Variants in DPF1 observed in about 807,000 individuals in gnomAD.
DPF1 encodes the protein double PHD fingers 1, also known as zinc finger protein neuro-d4.
DPF1 carries 14 observed loss-of-function variants against 58.7 expected under a neutral mutation model. The observed-to-expected ratio is 0.24, with a 90% CI of 0.16 to 0.37. The LOEUF is 0.37. Among genes scored for constraint, DPF1 ranks in the 10% least tolerant of loss-of-function variants. The pLI is 1.00. For synonymous variants in DPF1, 216 were observed against 216.0 expected, an observed-to-expected ratio of 1.00 and a Z score of 0.00; for missense variants, 345 against 529.9, an observed-to-expected ratio of 0.65 and a Z score of 3.43.
At chr19:38,229,152 G>A (rs923975658), upstream of DPF1, among the ~76,000 whole-genome samples, 2 of 151,962 alleles carry the variant, frequency 1.3e-5, no homozygotes, top group African/African-American at 4.8e-5. This position sits in a 1 kb window ranked among gnomAD's most constrained non-coding sequence, Gnocchi z 5.3. Flanking sequence ...AGCGGAGAGC[G>A]GGTGATGGAA....
upstream of DPF1, among the ~76,000 whole-genome samples, chr19:38,228,947 C>A (rs1212066962): frequency 2.6e-5 from 4 of 151,690 alleles, no homozygotes; most frequent in South Asian, 4.2e-4. Flanking sequence ...GATGTGTATG[C>A]GCGGGGAGAG....
chr19:38,218,802 G>A (rs1053721723), intron 4 of DPF1, 129 bp downstream of exon 4: 2 of 1,536,854 alleles, frequency 1.3e-6, no homozygotes, highest in African/African-American at 2.7e-5. Context: ...CTGGGAGGAT[G>A]GTGACTGGGA....
chr19:38,224,120 G>T lies in DPF1; in HGVS notation c.23C>A (p.Pro8His). ...TCCCGCCGGCCCGCACCACCTCAGG[G>T]GGCCAGGGATGACAGTGGCCATCTT... Reference protein sequence around the residue: MATVIPGPLSLGEDFYRE... With the variant: MATVIPGHLSLGEDFYRE... Residue 8 changes from proline to histidine, a missense_variant, in exon 1 of 12, where the codon CCC becomes CAC. Transcript: ENST00000355526. The surrounding 1 kb of genome is among the most constrained non-coding windows in gnomAD (Gnocchi z 4.5). 6.7e-7 allele frequency: 1 copy of T among 1,495,662 alleles called. No homozygotes were observed. 92.6% of individuals were successfully genotyped at this position (1,495,662 alleles called of 1,614,324 possible). A position where few individuals can be genotyped will look rare whatever the true frequency, so the allele number is the denominator to read the frequency against.
chr19:38,213,361 C>A (rs1973598598), intron 10 of DPF1, among the ~76,000 whole-genome samples: 2 of 152,224 alleles, frequency 1.3e-5, no homozygotes, highest in African/African-American at 4.8e-5. Flanking sequence ...TCTGCCATTT[C>A]CCTAGCTGGC....
chr19:38,217,474 T>C lies in DPF1; in HGVS notation c.713A>G (p.Lys238Arg), dbSNP rs1243722338. 1 of 1,550,312 alleles carries C rather than the reference T, an allele frequency of 6.5e-7. No individual in the cohort carries two copies. The highest frequency in any genetic ancestry group is 8.7e-7 in the Non-Finnish European group (1 of 1,146,596). ...AERHALPFHR[K>R]NNHKQFYKEL... is the part of the protein sequence containing the mutation. ...TGCCAGCTCACGTTTATGGTTGTTTTTCCGGTGGAAGGGCAGGGCGTGGCG... is the reference window on the plus strand; with the variant it reads ...TGCCAGCTCACGTTTATGGTTGTTTCTCCGGTGGAAGGGCAGGGCGTGGCG... The change falls in exon 7 of 12, where the codon AAA (lysine) becomes AGA (arginine). Residue 238 changes from lysine (K) to arginine (R), a missense_variant. Physicochemically the swap from Lys to Arg is conservative, Grantham distance 26. Transcript: ENST00000355526.
At position 38,219,065 on chromosome 19, in the gene DPF1, A is replaced by T; in HGVS notation, c.299-7T>A. On this transcript the variant is annotated splice_region_variant and splice_polypyrimidine_tract_variant and intron_variant, in intron 3 of 11. Coordinates refer to ENST00000355526, the MANE Select transcript of DPF1 (RefSeq NM_001135155.3). ...TTCAGGGGTGCTTCACAGTCTGGGG[A>T]CAGGGCCATGGGGGGGTCAGATGGG... 1 of 1,613,586 alleles carries T rather than the reference A, an allele frequency of 6.2e-7. No individual in the cohort carries two copies. Among genetic ancestry groups the T allele is most frequent in the Non-Finnish European group, 8.5e-7 (1 of 1,179,954 alleles).
At chr19:38,217,380 C>T (rs1967100913) in intron 7 of DPF1, 80 bp downstream of exon 7, 4 of 660,614 alleles carry the variant, frequency 6.1e-6, no homozygotes, top group East Asian at 1.0e-4. Flanking sequence ...GTCTAATGCC[C>T]CCCCACCCCC....
chr19:38,211,810 T>C lies in DPF1; in HGVS notation c.*253A>G. ...GCCCGCCCAGAGGCGGGGTATGGCTTTGAGGGGAGAAGCCCCTGGTGTCCA... is the reference window on the plus strand; with the variant it reads ...GCCCGCCCAGAGGCGGGGTATGGCTCTGAGGGGAGAAGCCCCTGGTGTCCA... On this transcript the variant is annotated 3_prime_UTR_variant, in exon 12 of 12. Coordinates refer to ENST00000355526, the MANE Select transcript of DPF1 (RefSeq NM_001135155.3). The surrounding 1 kb of genome is among the most constrained non-coding windows in gnomAD (Gnocchi z 4.0). 1 of 545,860 alleles carries C rather than the reference T, an allele frequency of 1.8e-6. No homozygotes were observed. The highest frequency in any genetic ancestry group is 3.4e-5 in the Admixed American group (1 of 29,544). The allele number at this position is 545,860 out of a possible 1,614,324, so 33.8% of individuals were successfully genotyped here.
chr19:38,223,041 G>A (rs1012727592), intron 1 of DPF1: 3 of 327,406 alleles, frequency 9.2e-6, no homozygotes, highest in African/African-American at 4.3e-5. Context: ...CACACACAAA[G>A]AGAGACAAAT....
chr19:38,213,241 C>G (rs751693275), intron 10 of DPF1, among the ~76,000 whole-genome samples: 10 of 152,158 alleles, frequency 6.6e-5, no homozygotes, highest in Non-Finnish European at 1.5e-4. Context: ...TCCCAGAGTG[C>G]TGGGATTCCA....
Position 38,218,599 on chromosome 19 carries a change from T to C in DPF1, c.490A>G (p.Arg164Gly), listed in dbSNP as rs917336577. 6.2e-7 allele frequency: 1 copy of C among 1,614,184 alleles called. No individual in the cohort carries two copies. The highest frequency in any genetic ancestry group is 8.5e-7 in the Non-Finnish European group (1 of 1,180,044). Residue 164 changes from arginine (R) to glycine (G), a missense_variant, in exon 5 of 12, where the codon AGG (arginine) becomes GGG (glycine). Transcript: ENST00000355526. ...TTTCCTTTGGCCCTGTTCTTCCTCCTGGGAATGTCATCCTCCAAGTCTTCC... is the reference window on the plus strand; with the variant it reads ...TTTCCTTTGGCCCTGTTCTTCCTCCCGGGAATGTCATCCTCCAAGTCTTCC... The part of the protein sequence containing the change: ...EVEDLEDDIP[R>G]RKNRAKGKAY...
chr19:38,220,147 C>A, intron 3 of DPF1, among the ~76,000 whole-genome samples: 1 of 144,998 alleles, frequency 6.9e-6, no homozygotes, highest in Admixed American at 6.9e-5. Context: ...GAGATCGTGC[C>A]ACTGCACTCC....
At chr19:38,214,623 A>T (rs1202908687) in intron 9 of DPF1, among the ~76,000 whole-genome samples, 2 of 152,030 alleles carry the variant, frequency 1.3e-5, no homozygotes, top group Non-Finnish European at 2.9e-5. Flanking sequence ...CACACAGCCC[A>T]CTACCTGCCA....
intron 5 of DPF1, among the ~76,000 whole-genome samples, chr19:38,218,268 T>C (rs1181612452): frequency 6.6e-6 from 1 of 152,232 alleles, no homozygotes; most frequent in African/African-American, 2.4e-5. Flanking sequence ...ATTGCAGCTG[T>C]ACAAATGTCC....
intron 10 of DPF1, among the ~76,000 whole-genome samples, chr19:38,213,057 G>A (rs1183450193): frequency 1.3e-5 from 2 of 148,612 alleles, no homozygotes; most frequent in African/African-American, 5.0e-5. Flanking sequence ...GCGCCATCTC[G>A]GCTCACTGCA....
intron 7 of DPF1, 96 bp from the exon 8 acceptor site, chr19:38,216,499 C>T (rs939503283): frequency 1.2e-5 from 17 of 1,414,804 alleles, no homozygotes; most frequent in African/African-American, 1.4e-5. Flanking sequence ...TTAGTCCAGG[C>T]GTGGGGAGCT....
intron 10 of DPF1, 59 bp from the exon 11 acceptor site, chr19:38,212,420 TG>T: frequency 2.3e-5 from 3 of 131,248 alleles, no homozygotes. Flanking sequence ...GAAACGGGGG[TG>T]GGGGGCTGGG....
rs535461324 is a variant in DPF1 at position 38,213,608 on chromosome 19, G to A, written c.1011+36C>T. 2.5e-5 allele frequency: 39 copies of A among 1,584,474 alleles called. No homozygotes were observed. The East Asian group carries it at 2.7e-4, about 11-fold the overall frequency. ...CAGAGGTGGACGTGCCAGGCGGGGC[G>A]GGCAGCAGGGCACGCGGGGGGCGGG... is the stretch of plus-strand genomic sequence containing the variant. On this transcript the variant is annotated intron_variant, in intron 10 of 11. Coordinates refer to ENST00000355526, the MANE Select transcript of DPF1 (RefSeq NM_001135155.3).
At position 38,224,085 on chromosome 19, in the gene DPF1, C is replaced by T; in HGVS notation, c.29+29G>A. On this transcript the variant is annotated intron_variant, in intron 1 of 11. Transcript: ENST00000355526. The surrounding 1 kb of genome is among the most constrained non-coding windows in gnomAD (Gnocchi z 4.5). ...GGCCCGCGTAGACCCGCCCGCGCTTCCTCTCCGCCTCCCGCCGGCCCGCAC... is the reference window on the plus strand; with the variant it reads ...GGCCCGCGTAGACCCGCCCGCGCTTTCTCTCCGCCTCCCGCCGGCCCGCAC... 6.7e-7 allele frequency: 1 copy of T among 1,498,674 alleles called. No homozygotes were observed. 92.8% of individuals were successfully genotyped at this position (1,498,674 alleles called of 1,614,324 possible). A position where few individuals can be genotyped will look rare whatever the true frequency, so the allele number is the denominator to read the frequency against.
Sources: allele counts gnomAD v4.1 joint callset (sites outside exome capture counted in the v4.1 genomes callset), GRCh38; gene constraint gnomAD v4.1.1; non-coding constraint Gnocchi (gnomAD v3.1); transcripts MANE v1.5; gene names NCBI Gene and HGNC (gene_info 2026-07-23, HGNC 2026-07-21).